CFAP299: variants seen among roughly 807,000 people sequenced by gnomAD.
CFAP299 encodes the protein cilia and flagella associated protein 299.
CFAP299 carries 21 observed loss-of-function variants against 27.0 expected under a neutral mutation model. That is an observed-to-expected ratio of 0.78 (90% CI 0.55 to 1.12). CFAP299 has a LOEUF of 1.12. Ranked by LOEUF, CFAP299 falls within the 50% of genes most tolerant of loss-of-function variation. The pLI is 0.00. For missense variants in CFAP299, 310 were observed against 276.6 expected, an observed-to-expected ratio of 1.12 and a Z score of -0.86; for synonymous variants, 104 against 98.1, an observed-to-expected ratio of 1.06 and a Z score of -0.36.
intron 2 of CFAP299, among the ~76,000 whole-genome samples, chr4:80,379,637 G>C (rs531012625): frequency 1.3e-5 from 2 of 151,660 alleles, no homozygotes; most frequent in Admixed American, 6.6e-5. Context: ...CAATTCAAAG[G>C]CTTTATAATT....
intron 3 of CFAP299, among the ~76,000 whole-genome samples, chr4:80,829,783 A>G (rs879461353): frequency 3.9e-5 from 6 of 152,088 alleles, no homozygotes; most frequent in Non-Finnish European, 8.8e-5. Flanking sequence ...TACAACATAG[A>G]TGATCTTTAC....
chr4:80,925,411 G>T (rs1466636740), intron 4 of CFAP299, among the ~76,000 whole-genome samples: 1 of 151,830 alleles, frequency 6.6e-6, no homozygotes, highest in Admixed American at 6.6e-5. Flanking sequence ...TCTCCAGTGG[G>T]GTGTCTGATG....
At position 80,774,979 on chromosome 4, in the gene CFAP299, G is replaced by A. The variant is rs927129134; in HGVS notation, c.334-95014G>A. Reference sequence around the variant, plus strand: ...TTAAAAATGAGTTAGTGGGTGCAGCGCACCAGCATGGCATATGTATACATA... The same window carrying A: ...TTAAAAATGAGTTAGTGGGTGCAGCACACCAGCATGGCATATGTATACATA... On this transcript the variant is annotated intron_variant, in intron 3 of 5. Coordinates refer to ENST00000358105, the MANE Select transcript of CFAP299 (RefSeq NM_152770.3). Among the ~76,000 whole-genome samples, 16 of 151,060 alleles carry A rather than the reference G, an allele frequency of 1.1e-4. No homozygotes were observed. In the South Asian group the frequency reaches 2.5e-3, roughly 24 times the overall value.
chr4:80,864,519 C>T (rs1329753547), intron 3 of CFAP299, among the ~76,000 whole-genome samples: 20 of 144,376 alleles, frequency 1.4e-4, no homozygotes, highest in Non-Finnish European at 2.1e-4. Context: ...CCTATATATA[C>T]GTATATATAC....
At chr4:80,567,897 A>G (rs1735389065) in intron 2 of CFAP299, among the ~76,000 whole-genome samples, 1 of 151,696 alleles carries the variant, frequency 6.6e-6, no homozygotes, top group Non-Finnish European at 1.5e-5. Flanking sequence ...AAAAGTTTAT[A>G]TTATATCCTA....
intron 3 of CFAP299, among the ~76,000 whole-genome samples, chr4:80,597,305 T>C (rs990734588): frequency 6.6e-6 from 1 of 152,204 alleles, no homozygotes; most frequent in Admixed American, 6.5e-5. Flanking sequence ...TAAATTTGCA[T>C]TTATATGATT....
chr4:80,898,603 C>A (rs1371756526), intron 4 of CFAP299, among the ~76,000 whole-genome samples: 1 of 151,780 alleles, frequency 6.6e-6, no homozygotes, highest in Non-Finnish European at 1.5e-5. Context: ...GCTGGGGACC[C>A]ACCCTCTTCT....
intron 4 of CFAP299, among the ~76,000 whole-genome samples, chr4:80,936,121 CT>C (rs1447108136): frequency 5.9e-5 from 9 of 152,174 alleles, no homozygotes; most frequent in African/African-American, 2.2e-4. Flanking sequence ...AACATAATTA[CT>C]TTTGCATCAA....
intron 4 of CFAP299, chr4:80,871,109 A>G: frequency 1.7e-6 from 1 of 584,490 alleles, no homozygotes. Flanking sequence ...GTTCCACCAT[A>G]TTGGTCAAGC....
chr4:80,552,157 G>T (rs1358449124), intron 2 of CFAP299, among the ~76,000 whole-genome samples: 1 of 152,152 alleles, frequency 6.6e-6, no homozygotes, highest in African/African-American at 2.4e-5. Context: ...AAGGTAGTTT[G>T]TTTTCTTTAT....
chr4:80,551,350 C>G (rs777933478), intron 2 of CFAP299, among the ~76,000 whole-genome samples: 7 of 152,024 alleles, frequency 4.6e-5, no homozygotes, highest in Non-Finnish European at 7.4e-5. Context: ...ACAGCCTACA[C>G]TTTAGAAAAT....
At chr4:80,441,085 T>C (rs1010473692) in intron 2 of CFAP299, among the ~76,000 whole-genome samples, 1 of 152,222 alleles carries the variant, frequency 6.6e-6, no homozygotes, top group Admixed American at 6.5e-5. Context: ...GTTTGATTGA[T>C]ATACCTGAAA....
upstream of CFAP299, among the ~76,000 whole-genome samples, chr4:80,332,153 T>C (rs75817834): frequency 0.025 from 3,759 of 152,276 alleles, 148 homozygotes; most frequent in African/African-American, 0.085. Context: ...TTGGGCCTAA[T>C]GGCAAAGATG....
At chr4:80,736,493 G>T (rs1451174920) in intron 3 of CFAP299, among the ~76,000 whole-genome samples, 4 of 151,456 alleles carry the variant, frequency 2.6e-5, no homozygotes, top group Middle Eastern at 3.2e-3. Flanking sequence ...CCATCAAAAA[G>T]TGGGCGAAGG....
intron 3 of CFAP299, among the ~76,000 whole-genome samples, chr4:80,622,550 T>C (rs1738661726): frequency 6.6e-6 from 1 of 152,206 alleles, no homozygotes. Flanking sequence ...ATATAATAAC[T>C]TGACTGGCCT....
intron 3 of CFAP299, among the ~76,000 whole-genome samples, chr4:80,594,527 C>A (rs758814927): frequency 4.6e-5 from 7 of 152,082 alleles, no homozygotes; most frequent in Non-Finnish European, 8.8e-5. Context: ...CCTCCTTGCC[C>A]TTTCTAGAAC....
intron 3 of CFAP299, among the ~76,000 whole-genome samples, chr4:80,723,292 A>T (rs973541237): frequency 6.6e-6 from 1 of 152,356 alleles, no homozygotes; most frequent in South Asian, 2.1e-4. Context: ...TGATTTGTAC[A>T]TAAATGGTTA....
chr4:80,435,629 G>C (rs1007655802), intron 2 of CFAP299, among the ~76,000 whole-genome samples: 6 of 152,172 alleles, frequency 3.9e-5, no homozygotes, highest in African/African-American at 1.4e-4. Flanking sequence ...CATGGCAAGG[G>C]AGGACACAAG....
chr4:80,726,133 A>C (rs1199034469), intron 3 of CFAP299, among the ~76,000 whole-genome samples: 1 of 151,686 alleles, frequency 6.6e-6, no homozygotes, highest in Non-Finnish European at 1.5e-5. Flanking sequence ...CCTTGTTCTC[A>C]TTGCCCTTAT....
Sources: gnomAD v4.1 joint callset for allele counts (sites outside exome capture counted in the v4.1 genomes callset) on GRCh38, gnomAD v4.1.1 for gene constraint, MANE v1.5 for transcripts, NCBI Gene and HGNC (gene_info 2026-07-23, HGNC 2026-07-21) for gene names.